LRBA: variants seen among roughly 807,000 people sequenced by gnomAD.
LRBA encodes LPS responsive beige-like anchor protein, also known as lipopolysaccharide-responsive and beige-like anchor protein.
In LRBA, 176 loss-of-function variants were observed where a neutral mutation model predicts 330.0. The observed-to-expected ratio is 0.53, with a 90% CI of 0.47 to 0.60. The LOEUF is 0.60. Among genes scored for constraint, LRBA ranks in the 20% least tolerant of loss-of-function variants. The pLI is 0.00. For missense variants in LRBA, 3,259 were observed against 3,444.8 expected (o/e 0.95, Z 1.35); for synonymous variants, 1,230 against 1,193.0 (o/e 1.03, Z -0.64).
At chr4:150,778,563 A>G (rs962529991) in intron 34 of LRBA, among the ~76,000 whole-genome samples, 6 of 152,210 alleles carry the variant, frequency 3.9e-5, no homozygotes, top group Admixed American at 3.9e-4. Flanking sequence ...ATATCTCCAG[A>G]CAATAATGAT....
chr4:150,996,359 T>C (rs1481127334), intron 2 of LRBA, among the ~76,000 whole-genome samples: 1 of 152,170 alleles, frequency 6.6e-6, no homozygotes, highest in East Asian at 1.9e-4. Flanking sequence ...TCCATATTCC[T>C]ACCCTCAGAC....
chr4:150,672,352 C>CTT (rs111964361), intron 37 of LRBA, among the ~76,000 whole-genome samples: 8 of 141,294 alleles, frequency 5.7e-5, no homozygotes, highest in Non-Finnish European at 9.3e-5. Flanking sequence ...TCGATTTTTT[C>CTT]TTTTTTTTTT....
chr4:150,871,287 T>G (rs957850657), intron 19 of LRBA, 58 bp downstream of exon 19: 7 of 896,024 alleles, frequency 7.8e-6, no homozygotes, highest in East Asian at 2.4e-5. Context: ...CTACACAATG[T>G]TAAGAGGCAT....
intron 36 of LRBA, among the ~76,000 whole-genome samples, chr4:150,708,777 A>G (rs1785890669): frequency 6.6e-6 from 1 of 151,868 alleles, no homozygotes; most frequent in Non-Finnish European, 1.5e-5. Context: ...TTATAACAGA[A>G]AAGAATTAAA....
chr4:150,871,534 C>T (rs574479837), intron 18 of LRBA, 81 bp from the exon 19 acceptor site: 19 of 786,278 alleles, frequency 2.4e-5, no homozygotes, highest in South Asian at 2.2e-4. Context: ...GAAGGAAACA[C>T]AAAATACTTT....
intron 36 of LRBA, among the ~76,000 whole-genome samples, chr4:150,700,660 A>T (rs1186157490): frequency 4.6e-5 from 7 of 152,066 alleles, no homozygotes; most frequent in Non-Finnish European, 7.3e-5. Flanking sequence ...AAAATTTTTT[A>T]AAATTGTTTA....
intron 40 of LRBA, among the ~76,000 whole-genome samples, chr4:150,562,808 AT>A (rs5862925): frequency 8.7e-5 from 13 of 150,236 alleles, no homozygotes; most frequent in African/African-American, 2.2e-4. Flanking sequence ...CTTTGAAATA[AT>A]TTTTTTTTTA....
chr4:150,599,260 C>T (rs1398680252), intron 37 of LRBA, 129 bp from the exon 38 acceptor site: 1 of 857,196 alleles, frequency 1.2e-6, no homozygotes, highest in East Asian at 2.6e-5. Flanking sequence ...ATTCTCCCTC[C>T]ATCTCACACT....
intron 35 of LRBA, among the ~76,000 whole-genome samples, chr4:150,752,211 T>C (rs1014910633): frequency 2.0e-5 from 3 of 152,268 alleles, no homozygotes; most frequent in East Asian, 3.9e-4. Flanking sequence ...TATATTAACA[T>C]AGCCTTTATT....
At chr4:150,304,015 C>T (rs778825650) in intron 52 of LRBA, among the ~76,000 whole-genome samples, 1 of 152,192 alleles carries the variant, frequency 6.6e-6, no homozygotes, top group Non-Finnish European at 1.5e-5. Context: ...GAAATGTCTA[C>T]AGAGTCTACA....
intron 36 of LRBA, among the ~76,000 whole-genome samples, chr4:150,699,924 T>C (rs1008720729): frequency 2.0e-5 from 3 of 152,164 alleles, no homozygotes; most frequent in African/African-American, 7.2e-5. Context: ...AGGTTGAGTA[T>C]CCCTTATCCA....
chr4:150,448,507 T>C (rs187904914), intron 44 of LRBA, among the ~76,000 whole-genome samples: 29 of 151,818 alleles, frequency 1.9e-4, no homozygotes, highest in African/African-American at 6.8e-4. Context: ...AACATAAAAG[T>C]AGGTAAGAAG....
intron 40 of LRBA, among the ~76,000 whole-genome samples, chr4:150,565,868 CTTTAA>C (rs1769060439): frequency 6.6e-6 from 1 of 152,100 alleles, no homozygotes; most frequent in South Asian, 2.1e-4. Flanking sequence ...TATTCACATA[CTTTAA>C]TTTAGTTTGC....
At chr4:150,904,531 A>AT (rs1347911581) in intron 13 of LRBA, among the ~76,000 whole-genome samples, 1 of 152,012 alleles carries the variant, frequency 6.6e-6, no homozygotes, top group Admixed American at 6.6e-5. Flanking sequence ...CATAAGATGA[A>AT]TTTTTTTTAA....
chr4:150,603,145 A>G (rs948263454), intron 37 of LRBA, among the ~76,000 whole-genome samples: 1 of 152,206 alleles, frequency 6.6e-6, no homozygotes, highest in African/African-American at 2.4e-5. Context: ...GCCCTTCTCT[A>G]CAAAGATGCC....
intron 37 of LRBA, among the ~76,000 whole-genome samples, chr4:150,673,024 G>C (rs1782206113): frequency 6.6e-6 from 1 of 152,194 alleles, no homozygotes; most frequent in Non-Finnish European, 1.5e-5. Flanking sequence ...TGAAGTGGGA[G>C]TCAGGAGAGT....
At chr4:150,437,281 G>A (rs1751241123) in intron 44 of LRBA, among the ~76,000 whole-genome samples, 1 of 151,986 alleles carries the variant, frequency 6.6e-6, no homozygotes, top group Non-Finnish European at 1.5e-5. Context: ...TGGGTTCTTA[G>A]AAGAGGATGA....
chr4:150,554,939 T>C (rs1213489701), intron 40 of LRBA, among the ~76,000 whole-genome samples: 1 of 152,062 alleles, frequency 6.6e-6, no homozygotes, highest in Non-Finnish European at 1.5e-5. Flanking sequence ...ATTCAAAAAA[T>C]AAGTATTTTT....
chr4:150,970,594 T>G (rs190503884), intron 2 of LRBA: 30 of 146,136 alleles, frequency 2.1e-4, no homozygotes, highest in African/African-American at 7.3e-4. Flanking sequence ...CACAAAAGTA[T>G]ACTGTAAATG....
Sources: gnomAD v4.1 joint callset for allele counts (sites outside exome capture counted in the v4.1 genomes callset) on GRCh38, gnomAD v4.1.1 for gene constraint, MANE v1.5 for transcripts, NCBI Gene and HGNC (gene_info 2026-07-23, HGNC 2026-07-21) for gene names.